Variants in SGCZ observed in about 807,000 individuals in gnomAD.
The protein encoded by SGCZ is sarcoglycan zeta.
SGCZ carries 40 observed loss-of-function variants against 41.3 expected under a neutral mutation model. That is an observed-to-expected ratio of 0.97 (90% CI 0.75 to 1.26). The LOEUF is 1.26. Among genes scored for constraint, SGCZ ranks in the 50% most tolerant of loss-of-function variants. The pLI is 0.00. For synonymous variants in SGCZ, 206 were observed against 137.5 expected, an observed-to-expected ratio of 1.50 and a Z score of -3.49; for missense variants, 552 against 369.8, an observed-to-expected ratio of 1.49 and a Z score of -4.04.
intron 1 of SGCZ, among the ~76,000 whole-genome samples, chr8:14,639,569 G>C (rs986464493): frequency 4.6e-5 from 7 of 151,656 alleles, no homozygotes; most frequent in Non-Finnish European, 7.4e-5. Context: ...AGTTAATATA[G>C]TCTTGGGTAA....
intron 4 of SGCZ, among the ~76,000 whole-genome samples, chr8:14,190,098 C>T (rs1293301071): frequency 5.0e-5 from 7 of 139,576 alleles, no homozygotes; most frequent in Admixed American, 1.6e-4. Context: ...CTGCAAGCTC[C>T]GCCTCTGGGG....
intron 1 of SGCZ, among the ~76,000 whole-genome samples, chr8:14,650,283 C>T (rs1027424340): frequency 2.0e-5 from 3 of 152,206 alleles, no homozygotes; most frequent in East Asian, 1.9e-4. Flanking sequence ...TTCATCTTTA[C>T]AGGCTTCTCA....
At chr8:14,419,119 T>C (rs1033855372) in intron 2 of SGCZ, among the ~76,000 whole-genome samples, 13 of 152,022 alleles carry the variant, frequency 8.6e-5, no homozygotes, top group African/African-American at 2.6e-4. Flanking sequence ...TTGGGAAAAG[T>C]ATAATAAAAA....
intron 2 of SGCZ, among the ~76,000 whole-genome samples, chr8:14,428,106 A>G (rs932940133): frequency 8.0e-4 from 11 of 13,690 alleles, no homozygotes; most frequent in African/African-American, 1.4e-3. Context: ...GTATATACAC[A>G]CACACACACA....
chr8:14,700,153 C>G (rs1809089907), intron 1 of SGCZ, among the ~76,000 whole-genome samples: 1 of 151,876 alleles, frequency 6.6e-6, no homozygotes. Flanking sequence ...GATACATGCA[C>G]TAGAACGCTC....
At chr8:14,313,910 CTGTGTGTG>C (rs34489718) in intron 3 of SGCZ, among the ~76,000 whole-genome samples, 28,573 of 144,516 alleles carry the variant, frequency 0.2, 2,967 homozygotes, top group East Asian at 0.36. Flanking sequence ...TATCATCTCT[CTGTGTGTG>C]TGTGTGTGTG....
At chr8:14,835,547 C>T (rs778333009) in intron 1 of SGCZ, among the ~76,000 whole-genome samples, 1 of 152,152 alleles carries the variant, frequency 6.6e-6, no homozygotes, top group Admixed American at 6.6e-5. Context: ...CTTGACACAC[C>T]GCTTACCTGC....
intron 3 of SGCZ, among the ~76,000 whole-genome samples, chr8:14,278,052 G>A (rs188997434): frequency 2.6e-5 from 4 of 152,232 alleles, no homozygotes; most frequent in Admixed American, 1.3e-4. Flanking sequence ...TTTGTTCACA[G>A]TGCAGTTCCA....
intron 1 of SGCZ, among the ~76,000 whole-genome samples, chr8:14,671,492 A>C (rs1193210888): frequency 2.0e-5 from 3 of 152,228 alleles, no homozygotes; most frequent in Non-Finnish European, 4.4e-5. Context: ...ATTTGAAAAG[A>C]TCTAACTGTA....
intron 1 of SGCZ, among the ~76,000 whole-genome samples, chr8:14,608,378 G>C (rs1352153133): frequency 2.6e-5 from 4 of 151,694 alleles, no homozygotes; most frequent in African/African-American, 9.7e-5. Context: ...GGCTGCACAA[G>C]CATGGTACCA....
intron 1 of SGCZ, among the ~76,000 whole-genome samples, chr8:15,196,707 C>T (rs1338285726): frequency 6.6e-6 from 1 of 152,120 alleles, no homozygotes; most frequent in African/African-American, 2.4e-5. Flanking sequence ...CATATGTATA[C>T]GTGTGCCATG....
At chr8:14,249,698 C>T (rs1799221700) in intron 3 of SGCZ, among the ~76,000 whole-genome samples, 1 of 152,124 alleles carries the variant, frequency 6.6e-6, no homozygotes. Context: ...TTGAAGATCT[C>T]TAGCAAGTCT....
intron 1 of SGCZ, among the ~76,000 whole-genome samples, chr8:15,192,126 T>G (rs1010075980): frequency 6.6e-6 from 1 of 152,116 alleles, no homozygotes; most frequent in African/African-American, 2.4e-5. Context: ...AATGGGAATA[T>G]TCTTACACCA....
At chr8:15,170,458 G>C (rs571737535) in intron 1 of SGCZ, among the ~76,000 whole-genome samples, 15 of 152,282 alleles carry the variant, frequency 9.9e-5, no homozygotes, top group African/African-American at 2.2e-4. Context: ...CCCCTGCTTA[G>C]AGACCAGCTT....
At chr8:15,174,123 G>A (rs142481789) in intron 1 of SGCZ, among the ~76,000 whole-genome samples, 2 of 152,266 alleles carry the variant, frequency 1.3e-5, no homozygotes, top group Non-Finnish European at 2.9e-5. Context: ...GATGTTAATA[G>A]TTCAAAACAT....
chr8:15,057,245 T>G (rs1434655675), intron 1 of SGCZ, among the ~76,000 whole-genome samples: 3 of 152,166 alleles, frequency 2.0e-5, no homozygotes, highest in Non-Finnish European at 4.4e-5. Context: ...TACCCTATGT[T>G]GAGCAAGAAT....
chr8:15,033,268 C>T (rs1396913582), intron 1 of SGCZ, among the ~76,000 whole-genome samples: 5 of 152,108 alleles, frequency 3.3e-5, no homozygotes, highest in Non-Finnish European at 7.4e-5. Context: ...CACACCCAAA[C>T]TCCAGGTCAG....
chr8:14,151,007 G>C (rs994820961), intron 5 of SGCZ, among the ~76,000 whole-genome samples: 1 of 152,088 alleles, frequency 6.6e-6, no homozygotes, highest in African/African-American at 2.4e-5. Context: ...GTAAAACGAT[G>C]ATTACCAGAC....
chr8:14,536,400 A>G (rs1161845568), intron 2 of SGCZ, among the ~76,000 whole-genome samples: 4 of 151,940 alleles, frequency 2.6e-5, no homozygotes, highest in Non-Finnish European at 5.9e-5. Context: ...ACAACATTAC[A>G]AAAACCAAAT....
Sources: gnomAD v4.1 joint callset for allele counts (sites outside exome capture counted in the v4.1 genomes callset) on GRCh38, gnomAD v4.1.1 for gene constraint, MANE v1.5 for transcripts, NCBI Gene and HGNC (gene_info 2026-07-23, HGNC 2026-07-21) for gene names.